Variants in AEBP2 observed in about 807,000 individuals in gnomAD.
The protein encoded by AEBP2 is AE binding protein 2, also known as zinc finger protein AEBP2.
AEBP2 carries 10 observed loss-of-function variants against 50.8 expected under a neutral mutation model. The ratio of observed to expected loss-of-function variants is 0.20; its 90% CI spans 0.12 to 0.33. AEBP2 has a LOEUF of 0.33. Ranked by LOEUF, AEBP2 falls within the 10% of genes least tolerant of loss-of-function variation. AEBP2 has a pLI of 1.00. For synonymous variants in AEBP2, 296 were observed against 261.3 expected (o/e 1.13, Z -1.28); for missense variants, 570 against 688.0 (o/e 0.83, Z 1.92).
chr12:19,480,278 A>AT (rs1245155376), intron 3 of AEBP2, among the ~76,000 whole-genome samples: 9 of 151,744 alleles, frequency 5.9e-5, no homozygotes, highest in Admixed American at 4.6e-4. Flanking sequence ...TAATTTTTGT[A>AT]TTTTTTACTA....
intron 3 of AEBP2, among the ~76,000 whole-genome samples, chr12:19,480,222 C>G (rs552516637): frequency 2.6e-5 from 4 of 152,202 alleles, no homozygotes; most frequent in African/African-American, 9.6e-5. Context: ...GCCTGCCTCA[C>G]CCTCCCAAGT....
At chr12:19,481,604 G>C (rs995834293) in intron 3 of AEBP2, among the ~76,000 whole-genome samples, 2 of 151,794 alleles carry the variant, frequency 1.3e-5, no homozygotes, top group Admixed American at 1.3e-4. Context: ...TCATCCTCCC[G>C]AGTAGCTGGG....
At chr12:19,422,841 A>C (rs969262123) in intron 1 of AEBP2, among the ~76,000 whole-genome samples, 2 of 151,994 alleles carry the variant, frequency 1.3e-5, no homozygotes, top group African/African-American at 4.8e-5. Context: ...AGGCGGGCAG[A>C]TCACCTGAGG....
In AEBP2 at chr12:19,481,092, C is replaced by CTTTTTT. The variant is rs71067027; in HGVS notation, c.987+7758_987+7763dup. ...TGTTATTGAAACTTTGCAGTGCATC[C>CTTTTTT]TTTTTTTTTTTTTTTTTTTTTTTTT... On this transcript the variant is annotated intron_variant, in intron 3 of 7. Transcript: ENST00000266508. Among the ~76,000 whole-genome samples, 20 of 74,054 alleles carry CTTTTTT rather than the reference C, an allele frequency of 2.7e-4. 3 individuals carry two copies. The highest frequency in any genetic ancestry group is 9.1e-4 in the African/African-American group (16 of 17,580). The allele number at this position is 74,054 out of a possible 152,430, so 48.6% of individuals were successfully genotyped here.
Position 19,493,958 on chromosome 12 carries a change from A to G in AEBP2, c.1146A>G (p.Lys382=), listed in dbSNP as rs1218608588. The part of the protein sequence containing the change: ...PSKAGMNKRR[K]LKNKRRRSLP... ...AAGCTGGAATGAACAAAAGGAGGAAATTAAAGAACAAAAGACGACGCTCAT... is the reference window on the plus strand; with the variant it reads ...AAGCTGGAATGAACAAAAGGAGGAAGTTAAAGAACAAAAGACGACGCTCAT... The change falls in exon 4 of 8, where the codon AAA becomes AAG. Residue 382 remains lysine (K), a synonymous_variant. Coordinates refer to ENST00000266508, the MANE Select transcript of AEBP2 (RefSeq NM_153207.5). The G allele has an allele frequency of 1.2e-6, 2 of 1,611,564 alleles. No individual in the cohort carries two copies. Among genetic ancestry groups the G allele is most frequent in the East Asian group, 4.5e-5 (2 of 44,830 alleles).
upstream of AEBP2, among the ~76,000 whole-genome samples, chr12:19,437,479 A>G (rs1019990992): frequency 2.0e-5 from 3 of 151,794 alleles, no homozygotes; most frequent in African/African-American, 7.3e-5. Flanking sequence ...GCTCAAGTGA[A>G]CCTCCCACTT....
chr12:19,484,118 C>G (rs1041763527), intron 3 of AEBP2, among the ~76,000 whole-genome samples: 11 of 152,038 alleles, frequency 7.2e-5, no homozygotes, highest in Admixed American at 7.2e-4. Flanking sequence ...TTGGCTCTGT[C>G]GCCCAGGCTA....
intron 1 of AEBP2, chr12:19,456,875 A>G (rs1948278516): frequency 4.0e-6 from 6 of 1,495,724 alleles, no homozygotes; most frequent in South Asian, 2.3e-5. Context: ...CAATTTTTGT[A>G]GACATCCTGG....
intron 2 of AEBP2, among the ~76,000 whole-genome samples, chr12:19,471,570 T>C (rs1488683463): frequency 6.6e-6 from 1 of 152,122 alleles, no homozygotes; most frequent in Non-Finnish European, 1.5e-5. Context: ...AGTGCCATCA[T>C]GGCTCACTGC....
Position 19,519,591 on chromosome 12 carries a change from A to C in AEBP2, c.*1474A>C, listed in dbSNP as rs907832684. 4 of 152,634 alleles carry C rather than the reference A, an allele frequency of 2.6e-5. No homozygotes were observed. The highest frequency in any genetic ancestry group is 5.9e-5 in the Non-Finnish European group (4 of 68,008). 9.5% of individuals were successfully genotyped at this position (152,634 alleles called of 1,614,324 possible). A position where few individuals can be genotyped will look rare whatever the true frequency, so the allele number is the denominator to read the frequency against. Reference sequence around the variant, plus strand: ...GGTTATATGCAGTGAAACTGCAGAAAATACTCCTGGTTGAGGAGTTTTCAC... The same window carrying C: ...GGTTATATGCAGTGAAACTGCAGAACATACTCCTGGTTGAGGAGTTTTCAC... On this transcript the variant is annotated 3_prime_UTR_variant, in exon 8 of 8. Coordinates refer to ENST00000266508, the MANE Select transcript of AEBP2 (RefSeq NM_153207.5).
chr12:19,419,700 C>T (rs981726093), intron 1 of AEBP2, among the ~76,000 whole-genome samples: 2 of 152,076 alleles, frequency 1.3e-5, no homozygotes, highest in Non-Finnish European at 2.9e-5. Context: ...GAGGCCGAAG[C>T]GGGCAGATAG....
chr12:19,477,335 A>T (rs1255535410), intron 3 of AEBP2, among the ~76,000 whole-genome samples: 1 of 152,072 alleles, frequency 6.6e-6, no homozygotes, highest in Non-Finnish European at 1.5e-5. Flanking sequence ...TCTAGTACTT[A>T]TGTTGAATGG....
chr12:19,522,195 T>C lies in AEBP2; in HGVS notation c.*4078T>C, dbSNP rs1949407455. ...GTTAGAAAATTTCCTGTGTACGTAG[T>C]TTGTTTTTAAATTAAAGAATCTTGT... On this transcript the variant is annotated 3_prime_UTR_variant, in exon 8 of 8. Transcript: ENST00000266508. 1 of 152,130 alleles carries C rather than the reference T, an allele frequency of 6.6e-6. No individual in the cohort carries two copies. The highest frequency in any genetic ancestry group is 1.5e-5 in the Non-Finnish European group (1 of 68,018). 9.4% of individuals were successfully genotyped at this position (152,130 alleles called of 1,614,324 possible).
chr12:19,503,051 C>T (rs1368989820), intron 5 of AEBP2, among the ~76,000 whole-genome samples: 1 of 152,112 alleles, frequency 6.6e-6, no homozygotes, highest in Non-Finnish European at 1.5e-5. Context: ...GTTCTTTTTG[C>T]TTAGGATTGC....
intron 1 of AEBP2, among the ~76,000 whole-genome samples, chr12:19,430,244 A>C (rs2095750737): frequency 6.6e-6 from 1 of 152,114 alleles, no homozygotes; most frequent in Non-Finnish European, 1.5e-5. Context: ...TCCTTTCCCC[A>C]TTTCTTGTTT....
At chr12:19,485,045 ATTAT>A (rs1327968754) in intron 3 of AEBP2, among the ~76,000 whole-genome samples, 18 of 152,278 alleles carry the variant, frequency 1.2e-4, no homozygotes, top group Admixed American at 7.2e-4. Context: ...AATATAAGAG[ATTAT>A]TTATTAAAGT....
intron 3 of AEBP2, among the ~76,000 whole-genome samples, chr12:19,478,606 A>G (rs931910118): frequency 6.6e-6 from 1 of 152,196 alleles, no homozygotes; most frequent in African/African-American, 2.4e-5. Context: ...GTAGGCATTT[A>G]ATGCTATGAA....
chr12:19,482,868 G>A (rs1948750818), intron 3 of AEBP2, among the ~76,000 whole-genome samples: 2 of 152,102 alleles, frequency 1.3e-5, no homozygotes, highest in South Asian at 2.1e-4. Context: ...GGGAAGTGGG[G>A]GGTTGTGAGA....
intron 1 of AEBP2, among the ~76,000 whole-genome samples, chr12:19,442,080 A>G (rs940545191): frequency 2.6e-5 from 4 of 152,104 alleles, no homozygotes; most frequent in African/African-American, 4.8e-5. Flanking sequence ...CAAGTCCCCT[A>G]TTATTTCCAC....
Sources: gnomAD v4.1 joint callset for allele counts (sites outside exome capture counted in the v4.1 genomes callset) on GRCh38, gnomAD v4.1.1 for gene constraint, MANE v1.5 for transcripts, NCBI Gene and HGNC (gene_info 2026-07-23, HGNC 2026-07-21) for gene names.